HDAC4: variants seen among roughly 807,000 people sequenced by gnomAD.
The protein encoded by HDAC4 is histone deacetylase A.
Under a neutral mutation model 135.1 loss-of-function variants are expected in HDAC4, and 16 were observed. That is an observed-to-expected ratio of 0.12 (90% CI 0.08 to 0.18). The LOEUF (loss-of-function observed/expected upper bound fraction) is 0.18, where lower values mean the gene tolerates loss of function less well. Ranked by LOEUF, HDAC4 falls within the 10% of genes least tolerant of loss-of-function variation. The pLI, the probability that HDAC4 is intolerant of heterozygous loss-of-function variation, is 1.00. For synonymous variants in HDAC4, 685 were observed against 653.4 expected (o/e 1.05, Z -0.74); for missense variants, 1,143 against 1,511.8 (o/e 0.76, Z 4.05).
intron 2 of HDAC4, among the ~76,000 whole-genome samples, chr2:239,280,449 G>A (rs533469044): frequency 2.0e-4 from 30 of 152,254 alleles, no homozygotes; most frequent in African/African-American, 6.7e-4. Context: ...CAGCCGTGCC[G>A]ACTGGTCCCT....
At chr2:239,072,754 A>G (rs776558411) in intron 22 of HDAC4, among the ~76,000 whole-genome samples, 3 of 152,250 alleles carry the variant, frequency 2.0e-5, no homozygotes, top group Non-Finnish European at 4.4e-5. Context: ...GAAAGTATCA[A>G]CTTTGACCAG....
intron 24 of HDAC4, among the ~76,000 whole-genome samples, chr2:239,065,956 A>AC (rs2033416341): frequency 6.6e-6 from 1 of 152,040 alleles, no homozygotes; most frequent in African/African-American, 2.4e-5. Context: ...AATGAAAGGT[A>AC]CCCCTCCACT....
At chr2:239,053,403 C>T in intron 26 of HDAC4, 57 bp downstream of exon 26, 1 of 1,592,832 alleles carries the variant, frequency 6.3e-7, no homozygotes, top group Non-Finnish European at 8.6e-7. Flanking sequence ...AATAGTGTGT[C>T]AGTGGGCACA....
intron 7 of HDAC4, among the ~76,000 whole-genome samples, chr2:239,152,881 T>G (rs2042201664): frequency 6.6e-6 from 1 of 152,240 alleles, no homozygotes; most frequent in East Asian, 1.9e-4. Context: ...CACCTCGATC[T>G]GGTCCTACTC....
chr2:239,318,194 T>C (rs2053182983), intron 2 of HDAC4, among the ~76,000 whole-genome samples: 2 of 152,266 alleles, frequency 1.3e-5, no homozygotes, highest in South Asian at 4.2e-4. Context: ...CAGGAAACAA[T>C]GTAACTTCAC....
At chr2:239,083,893 C>T (rs575571511) in intron 20 of HDAC4, among the ~76,000 whole-genome samples, 19 of 152,240 alleles carry the variant, frequency 1.2e-4, no homozygotes, top group South Asian at 6.2e-4. Context: ...AAGATCTCGT[C>T]GAGGGTGGCC....
intron 7 of HDAC4, among the ~76,000 whole-genome samples, chr2:239,152,772 C>G (rs958924161): frequency 6.6e-6 from 1 of 151,978 alleles, no homozygotes; most frequent in Non-Finnish European, 1.5e-5. Context: ...GGCATGGAGG[C>G]AAGGAGGTGG....
chr2:239,136,008 C>A (rs1023381253), intron 9 of HDAC4, among the ~76,000 whole-genome samples: 4 of 152,188 alleles, frequency 2.6e-5, no homozygotes, highest in Admixed American at 6.5e-5. Flanking sequence ...TATTTAACAT[C>A]TTTTTGCTTG....
chr2:239,379,122 A>G (rs1271234626), intron 1 of HDAC4, among the ~76,000 whole-genome samples: 2 of 152,216 alleles, frequency 1.3e-5, no homozygotes, highest in Non-Finnish European at 2.9e-5. Context: ...CAGGGAGCCC[A>G]GGGGCAAGTC....
intron 1 of HDAC4, among the ~76,000 whole-genome samples, chr2:239,368,892 G>A (rs1302267658): frequency 6.6e-6 from 1 of 152,182 alleles, no homozygotes; most frequent in Non-Finnish European, 1.5e-5. Flanking sequence ...ATCGACAGCT[G>A]AGGCTGCCCT....
At chr2:239,087,641 G>A (rs376205159) in intron 18 of HDAC4, 27 bp from the exon 19 acceptor site, 1 of 1,611,188 alleles carries the variant, frequency 6.2e-7, no homozygotes, top group Non-Finnish European at 8.5e-7. Flanking sequence ...ACAGCCAGGA[G>A]AGAGCAACAA....
At chr2:239,238,273 A>G (rs1014552704) in intron 2 of HDAC4, among the ~76,000 whole-genome samples, 1 of 152,216 alleles carries the variant, frequency 6.6e-6, no homozygotes, top group Non-Finnish European at 1.5e-5. Context: ...TGTAGACAAA[A>G]AATAAAAAAT....
chr2:239,232,548 TC>T (rs200301909), intron 3 of HDAC4, among the ~76,000 whole-genome samples: 6 of 146,816 alleles, frequency 4.1e-5, no homozygotes, highest in South Asian at 2.2e-4. Flanking sequence ...GGGTGGCCCT[TC>T]CCCTCACCAA....
intron 1 of HDAC4, among the ~76,000 whole-genome samples, chr2:239,372,174 C>A (rs963535500): frequency 2.0e-5 from 3 of 152,256 alleles, no homozygotes; most frequent in African/African-American, 4.8e-5. Context: ...ACAGTGGGCC[C>A]CAGGACTCTC....
intron 1 of HDAC4, among the ~76,000 whole-genome samples, chr2:239,386,773 T>C (rs1695837043): frequency 6.6e-6 from 1 of 152,172 alleles, no homozygotes; most frequent in Admixed American, 6.5e-5. Context: ...GGCTGGCCCT[T>C]GTCCAGAGAC....
At chr2:239,164,427 G>C (rs1440016148) in intron 5 of HDAC4, among the ~76,000 whole-genome samples, 1 of 152,248 alleles carries the variant, frequency 6.6e-6, no homozygotes, top group Non-Finnish European at 1.5e-5. Flanking sequence ...GGCAGCGCCT[G>C]TCCTCCCCAG....
intron 1 of HDAC4, among the ~76,000 whole-genome samples, chr2:239,384,115 C>G (rs1389416190): frequency 6.6e-6 from 1 of 152,222 alleles, no homozygotes; most frequent in African/African-American, 2.4e-5. Flanking sequence ...AGGCAGAAAA[C>G]CCAGGGGGAC....
chr2:239,106,213 C>T (rs1054327037), intron 15 of HDAC4, among the ~76,000 whole-genome samples: 19 of 152,288 alleles, frequency 1.2e-4, no homozygotes, highest in Admixed American at 8.5e-4. Flanking sequence ...GGCGGAGGAG[C>T]GGGCTGTTTC....
intron 1 of HDAC4, among the ~76,000 whole-genome samples, chr2:239,381,568 T>G (rs1009153852): frequency 1.3e-5 from 2 of 152,242 alleles, no homozygotes; most frequent in Non-Finnish European, 2.9e-5. Context: ...AAATTACTAT[T>G]TAAGTTCTAT....
Sources: allele counts gnomAD v4.1 joint callset (sites outside exome capture counted in the v4.1 genomes callset), GRCh38; gene constraint gnomAD v4.1.1; transcripts MANE v1.5; gene names NCBI Gene and HGNC (gene_info 2026-07-23, HGNC 2026-07-21).